The following WDR62 variants were observed in gnomAD, a reference collection of about 807,000 sequenced individuals.
WDR62 encodes the protein WD repeat-containing protein 62.
Under a neutral mutation model 160.6 loss-of-function variants are expected in WDR62, and 112 were observed. The ratio of observed to expected loss-of-function variants is 0.70; its 90% CI spans 0.60 to 0.82. The LOEUF (loss-of-function observed/expected upper bound fraction) is 0.82, where lower values mean the gene tolerates loss of function less well. WDR62 is among the 40% of genes least tolerant of loss of function. WDR62 has a pLI of 0.00. For synonymous variants in WDR62, 792 were observed against 815.1 expected, an observed-to-expected ratio of 0.97 and a Z score of 0.48; for missense variants, 1,819 against 1,983.8, an observed-to-expected ratio of 0.92 and a Z score of 1.58.
intron 18 of WDR62, among the ~76,000 whole-genome samples, chr19:36,091,805 C>T (rs1175233814): frequency 6.6e-6 from 1 of 151,906 alleles, no homozygotes; most frequent in Non-Finnish European, 1.5e-5. Context: ...TGGCTTGAAC[C>T]TGGTAGGTAG....
chr19:36,092,167 T>C (rs1312248575), intron 18 of WDR62, among the ~76,000 whole-genome samples: 1 of 151,858 alleles, frequency 6.6e-6, no homozygotes, highest in Non-Finnish European at 1.5e-5. Flanking sequence ...AAAAATTAGC[T>C]GTGCGTGGTG....
In WDR62 at chr19:36,058,754, C is replaced by T. The variant is rs77686896; in HGVS notation, c.178-26C>T. 4.3e-4 allele frequency: 689 copies of T among 1,607,576 alleles called. 4 individuals are homozygous for T. In the East Asian group the frequency reaches 0.012, roughly 28 times the overall value. ...ATGTGGTGCTGGCTAGGGTGGGTGC[C>T]TCTGACTTGGGCTTTTTCTTTGCAG... On this transcript the variant is annotated intron_variant, in intron 1 of 31. Coordinates refer to ENST00000401500, the MANE Select transcript of WDR62 (RefSeq NM_001083961.2).
chr19:36,072,585 G>A (rs1971356183), intron 8 of WDR62, among the ~76,000 whole-genome samples: 1 of 152,130 alleles, frequency 6.6e-6, no homozygotes, highest in South Asian at 2.1e-4. Context: ...ACCTAACCAG[G>A]GGGTGCCAGG....
chr19:36,103,614 C>T lies in WDR62; in HGVS notation c.3786C>T (p.Gly1262=), dbSNP rs148415080. Residue 1262 remains glycine, a synonymous_variant, in exon 30 of 32, where the codon GGC becomes GGT. Coordinates refer to ENST00000401500, the MANE Select transcript of WDR62 (RefSeq NM_001083961.2). ...CCGTTGGGGAGCTGGCCTCCTTGGG[C>T]CAGGAGCTTCAGGCCATCACCACCG... The part of the protein sequence containing the change: ...PSSVGELASL[G]QELQAITTAT... 3.1e-4 allele frequency: 499 copies of T among 1,611,440 alleles called. 3 individuals are homozygous for T. In the African/African-American group the frequency reaches 6.0e-3, roughly 19 times the overall value.
Position 36,089,113 on chromosome 19 carries a change from G to A in WDR62, c.1836+8G>A, listed in dbSNP as rs760673294. 1.4e-5 allele frequency: 22 copies of A among 1,614,078 alleles called. No individual in the cohort carries two copies. The highest frequency in any genetic ancestry group is 1.9e-5 in the Non-Finnish European group (22 of 1,180,010). ...TTTCGCAGTGCCCAGCAGGTAGGGT[G>A]GCATGGCCTCCTTGGGGGCTGGGGT... is the stretch of plus-strand genomic sequence containing the variant. On this transcript the variant is annotated splice_region_variant and intron_variant, in intron 14 of 31. Coordinates refer to ENST00000401500, the MANE Select transcript of WDR62 (RefSeq NM_001083961.2).
intron 2 of WDR62, 22 bp downstream of exon 2, chr19:36,058,893 C>A: frequency 6.3e-7 from 1 of 1,591,546 alleles, no homozygotes; most frequent in Non-Finnish European, 8.6e-7. Flanking sequence ...AGGGCCTCGA[C>A]GTCTAATCAT....
intron 22 of WDR62, among the ~76,000 whole-genome samples, chr19:36,100,250 A>G (rs1973245016): frequency 6.6e-6 from 1 of 152,188 alleles, no homozygotes; most frequent in South Asian, 2.1e-4. Flanking sequence ...ACTATTTTCC[A>G]AACAAAATTC....
At chr19:36,090,390 G>A in intron 15 of WDR62, 55 bp from the exon 16 acceptor site, 1 of 1,555,670 alleles carries the variant, frequency 6.4e-7, no homozygotes, top group South Asian at 1.1e-5. Context: ...GCCAGAGAAT[G>A]AGGTGGTGGG....
chr19:36,090,378 G>C, intron 15 of WDR62, 67 bp from the exon 16 acceptor site: 3 of 1,505,142 alleles, frequency 2.0e-6, no homozygotes, highest in Admixed American at 1.7e-5. Context: ...AGGACAGCAA[G>C]AGCCAGAGAA....
At position 36,104,526 on chromosome 19, in the gene WDR62, G is replaced by A. The variant is rs767549030; in HGVS notation, c.4162G>A (p.Gly1388Ser). The change falls in exon 31 of 32, where the codon GGT (glycine) becomes AGT (serine). Residue 1388 changes from glycine to serine, a missense_variant. This residue lies in a region of WDR62 where 770 missense variants were observed against 734.2 expected (regional missense o/e 1.05). Coordinates refer to ENST00000401500, the MANE Select transcript of WDR62 (RefSeq NM_001083961.2). Reference sequence around the variant, plus strand: ...CCTTCTCTCTACCCCAGGTGCACTTGGTCTGTTACAGGGCAGCCCTGCCCG... The same window carrying A: ...CCTTCTCTCTACCCCAGGTGCACTTAGTCTGTTACAGGGCAGCCCTGCCCG... ...SLLEPTSGAL[G>S]LLQGSPARWS... The A allele has an allele frequency of 4.3e-6, 7 of 1,613,776 alleles. No homozygotes were observed. The highest frequency in any genetic ancestry group is 5.9e-6 in the Non-Finnish European group (7 of 1,179,928).
intron 10 of WDR62, among the ~76,000 whole-genome samples, chr19:36,082,260 A>G (rs1260264925): frequency 3.9e-5 from 6 of 152,222 alleles, no homozygotes; most frequent in Non-Finnish European, 8.8e-5. Context: ...TGTGAAGGAA[A>G]ATGTGCAGGG....
downstream of WDR62, among the ~76,000 whole-genome samples, chr19:36,105,601 A>G (rs1392485367): frequency 1.3e-5 from 2 of 151,976 alleles, no homozygotes; most frequent in Admixed American, 6.6e-5. Context: ...AATCCCGGCT[A>G]CTCAGGAGGC....
In WDR62 at chr19:36,060,031, G is replaced by A. The variant is rs587784553; in HGVS notation, c.332+1G>A. 6 of 1,614,232 alleles carry A rather than the reference G, an allele frequency of 3.7e-6. No individual in the cohort carries two copies. Among genetic ancestry groups the A allele is most frequent in the Non-Finnish European group, 5.1e-6 (6 of 1,180,038 alleles). ...AGCAGCACATCTTTAACACCGCCAG[G>A]TAGGCTGAGGCCTGGGCCCGGGGCA... On this transcript the variant is annotated splice_donor_variant, in intron 3 of 31. Coordinates refer to ENST00000401500, the MANE Select transcript of WDR62 (RefSeq NM_001083961.2). LOFTEE classifies it high-confidence loss of function.
At chr19:36,106,578 G>A (rs1197079195), downstream of WDR62, among the ~76,000 whole-genome samples, 3 of 152,136 alleles carry the variant, frequency 2.0e-5, no homozygotes, top group East Asian at 3.9e-4. Context: ...CATTTGGGCT[G>A]AAGCTTGATA....
At chr19:36,058,931 G>A in intron 2 of WDR62, 60 bp downstream of exon 2, 1 of 1,399,462 alleles carries the variant, frequency 7.1e-7, no homozygotes, top group Non-Finnish European at 1.0e-6. Flanking sequence ...CTTGGAACCT[G>A]AAGCCATCCG....
chr19:36,107,136 G>A (rs1973731356), downstream of WDR62, among the ~76,000 whole-genome samples: 3 of 152,186 alleles, frequency 2.0e-5, no homozygotes, highest in South Asian at 6.2e-4. Flanking sequence ...AAGATGGAGG[G>A]ACGTTGGTTA....
Position 36,068,363 on chromosome 19 carries a change from A to G in WDR62, c.882+353A>G, listed in dbSNP as rs933194109. On this transcript the variant is annotated intron_variant, in intron 7 of 31. Coordinates refer to ENST00000401500, the MANE Select transcript of WDR62 (RefSeq NM_001083961.2). ...TAGAGGATTGCATTTTTTTTTAATT[A>G]ATTTATTTTTTTTTATTGATCATTC... Among the ~76,000 whole-genome samples the G allele has an allele frequency of 2.6e-5, 4 of 151,690 alleles. No homozygotes were observed. In the South Asian group the frequency reaches 8.3e-4, roughly 32 times the overall value.
chr19:36,078,704 C>T (rs1196907558), intron 9 of WDR62, among the ~76,000 whole-genome samples: 3 of 151,384 alleles, frequency 2.0e-5, no homozygotes, highest in East Asian at 2.0e-4. Flanking sequence ...GCCGTGGTGG[C>T]GGGCGCCTGT....
chr19:36,067,358 C>G lies in WDR62; in HGVS notation c.614C>G (p.Ser205Cys). ...NKVSCRVIAL[S>C]FSEDSSYFVT... is the part of the protein sequence containing the mutation. ...GTATCTTGTAGAGTCATTGCCCTCT[C>G]CTTCTCAGAGGACAGCAGCTATTTT... Residue 205 changes from serine (S) to cysteine (C), a missense_variant, in exon 6 of 32, where the codon TCC becomes TGC. Ser to Cys is a moderately radical substitution (Grantham distance 112, BLOSUM62 -1). Transcript: ENST00000401500. The G allele has an allele frequency of 6.2e-7, 1 of 1,614,166 alleles. No homozygotes were observed. Among genetic ancestry groups the G allele is most frequent in the Non-Finnish European group, 8.5e-7 (1 of 1,179,978 alleles).
Sources: allele counts gnomAD v4.1 joint callset (sites outside exome capture counted in the v4.1 genomes callset), GRCh38; gene constraint gnomAD v4.1.1; regional missense constraint gnomAD v4.1.1; transcripts MANE v1.5; gene names NCBI Gene and HGNC (gene_info 2026-07-23, HGNC 2026-07-21).